Variants in ASTN2 observed in about 807,000 individuals in gnomAD.
ASTN2 encodes the protein astrotactin 2.
Under a neutral mutation model 139.8 loss-of-function variants are expected in ASTN2, and 54 were observed. That is an observed-to-expected ratio of 0.39 (90% CI 0.31 to 0.48). The LOEUF (loss-of-function observed/expected upper bound fraction) is 0.48. ASTN2 is among the 20% of genes least tolerant of loss of function. ASTN2 has a pLI of 0.95. For synonymous variants in ASTN2, 756 were observed against 719.5 expected, an observed-to-expected ratio of 1.05 and a Z score of -0.81; for missense variants, 1,565 against 1,725.1, an observed-to-expected ratio of 0.91 and a Z score of 1.64.
intron 13 of ASTN2, among the ~76,000 whole-genome samples, chr9:116,739,778 G>A (rs981404168): frequency 7.2e-5 from 11 of 152,206 alleles, no homozygotes; most frequent in African/African-American, 1.9e-4. Flanking sequence ...AGTGCAAACT[G>A]AGTGCCTGAG....
intron 13 of ASTN2, among the ~76,000 whole-genome samples, chr9:116,734,822 CTCA>C (rs1286601489): frequency 6.6e-6 from 1 of 152,170 alleles, no homozygotes; most frequent in Non-Finnish European, 1.5e-5. Flanking sequence ...ACCTTTGAAG[CTCA>C]TCATCAATTC....
At chr9:116,534,179 T>C (rs549643806) in intron 19 of ASTN2, among the ~76,000 whole-genome samples, 34 of 152,284 alleles carry the variant, frequency 2.2e-4, no homozygotes, top group Admixed American at 5.9e-4. Flanking sequence ...CTGATGGTAG[T>C]TTGTATTTCT....
intron 20 of ASTN2, among the ~76,000 whole-genome samples, chr9:116,480,395 G>A (rs1470401788): frequency 1.3e-5 from 2 of 152,210 alleles, no homozygotes; most frequent in African/African-American, 2.4e-5. Flanking sequence ...GGAGAAGTCA[G>A]TGTCTACAGA....
intron 19 of ASTN2, among the ~76,000 whole-genome samples, chr9:116,597,210 G>A (rs978920477): frequency 6.7e-6 from 1 of 150,374 alleles, no homozygotes; most frequent in South Asian, 2.1e-4. Flanking sequence ...GGCAGTGAGT[G>A]AACCCAAAGC....
chr9:116,924,171 G>A (rs1468765722), intron 10 of ASTN2, among the ~76,000 whole-genome samples: 1 of 152,064 alleles, frequency 6.6e-6, no homozygotes, highest in African/African-American at 2.4e-5. Context: ...CACTTTGGGA[G>A]GCTGAGGCAG....
intron 19 of ASTN2, chr9:116,584,618 G>A (rs1321592489): frequency 1.3e-5 from 2 of 152,062 alleles, no homozygotes; most frequent in Non-Finnish European, 2.9e-5. Context: ...AAGACTAAAC[G>A]TCTAAAATTA....
intron 5 of ASTN2, among the ~76,000 whole-genome samples, chr9:117,053,587 G>A (rs1318541116): frequency 1.3e-5 from 2 of 152,160 alleles, no homozygotes; most frequent in African/African-American, 2.4e-5. Context: ...TTCAAGCCAG[G>A]TCTGTTTCAC....
intron 2 of ASTN2, among the ~76,000 whole-genome samples, chr9:117,270,548 C>T (rs960852271): frequency 1.3e-4 from 20 of 152,188 alleles, no homozygotes; most frequent in African/African-American, 4.6e-4. Context: ...CTATTTGCTA[C>T]CACAGGGCAT....
At chr9:117,237,776 G>T (rs1833088178) in intron 2 of ASTN2, among the ~76,000 whole-genome samples, 1 of 152,214 alleles carries the variant, frequency 6.6e-6, no homozygotes, top group African/African-American at 2.4e-5. Flanking sequence ...ACCACACTCA[G>T]CCGAGGTTGA....
intron 16 of ASTN2, among the ~76,000 whole-genome samples, chr9:116,696,760 C>G (rs1358510400): frequency 6.6e-6 from 1 of 152,086 alleles, no homozygotes; most frequent in Non-Finnish European, 1.5e-5. Context: ...CCTCTTGTAT[C>G]TAGTACAGAA....
At chr9:117,216,622 C>T (rs1832329306) in intron 2 of ASTN2, among the ~76,000 whole-genome samples, 1 of 152,088 alleles carries the variant, frequency 6.6e-6, no homozygotes, top group South Asian at 2.1e-4. Context: ...CCTTAAAAAA[C>T]AACAATGAAT....
At chr9:117,350,098 T>G (rs553318304) in intron 1 of ASTN2, among the ~76,000 whole-genome samples, 4 of 152,204 alleles carry the variant, frequency 2.6e-5, no homozygotes, top group Non-Finnish European at 5.9e-5. Context: ...TAGGGGAAGC[T>G]GGGTAAGTGG....
intron 16 of ASTN2, among the ~76,000 whole-genome samples, chr9:116,686,086 T>TAA (rs1288929713): frequency 3.9e-5 from 6 of 152,178 alleles, no homozygotes; most frequent in Admixed American, 3.9e-4. Context: ...TAGTTATCAT[T>TAA]AAGTGCAAAC....
chr9:116,483,299 G>A (rs757545434), intron 20 of ASTN2, among the ~76,000 whole-genome samples: 23 of 152,236 alleles, frequency 1.5e-4, no homozygotes, highest in Admixed American at 1.0e-3. Context: ...GGGTGCTGAT[G>A]TTTCTGTTTT....
intron 5 of ASTN2, among the ~76,000 whole-genome samples, chr9:117,077,737 G>A (rs1425252453): frequency 6.6e-6 from 1 of 152,144 alleles, no homozygotes; most frequent in African/African-American, 2.4e-5. Context: ...GACAGAGCAA[G>A]ACTCTGTCTA....
At chr9:116,763,287 T>A (rs1829721664) in intron 13 of ASTN2, among the ~76,000 whole-genome samples, 1 of 152,188 alleles carries the variant, frequency 6.6e-6, no homozygotes, top group African/African-American at 2.4e-5. Flanking sequence ...GCCACTTCAT[T>A]CTATCACAGT....
intron 3 of ASTN2, among the ~76,000 whole-genome samples, chr9:117,172,895 C>T (rs777491496): frequency 4.6e-5 from 7 of 152,116 alleles, no homozygotes; most frequent in African/African-American, 7.2e-5. Context: ...TTGGCCACCC[C>T]TTGGGTCCCT....
chr9:117,200,578 T>C (rs538799241), intron 3 of ASTN2, among the ~76,000 whole-genome samples: 6 of 152,338 alleles, frequency 3.9e-5, no homozygotes, highest in African/African-American at 1.4e-4. Flanking sequence ...TGAAGGGATG[T>C]TGAATTTTAT....
At chr9:116,761,210 T>G (rs1257313228) in intron 13 of ASTN2, among the ~76,000 whole-genome samples, 1 of 152,224 alleles carries the variant, frequency 6.6e-6, no homozygotes, top group Non-Finnish European at 1.5e-5. Context: ...CATTTGCTGA[T>G]TGCTATTGTG....
Sources: allele counts gnomAD v4.1 joint callset (sites outside exome capture counted in the v4.1 genomes callset), GRCh38; gene constraint gnomAD v4.1.1; transcripts MANE v1.5; gene names NCBI Gene and HGNC (gene_info 2026-07-23, HGNC 2026-07-21).